The following SOCS5 variants were observed in gnomAD, a reference collection of about 807,000 sequenced individuals.
SOCS5 encodes suppressor of cytokine signaling 5, also known as CIS-6.
In SOCS5, 32 loss-of-function variants were observed where a neutral mutation model predicts 42.8. That is an observed-to-expected ratio of 0.75 (90% confidence interval 0.56 to 1.01). SOCS5 has a LOEUF of 1.01. Among genes scored for constraint, SOCS5 ranks in the 50% least tolerant of loss-of-function variants. SOCS5 has a pLI of 0.00. For synonymous variants in SOCS5, 283 were observed against 229.6 expected (o/e 1.23, Z -2.10); for missense variants, 627 against 653.0 (o/e 0.96, Z 0.43).
chr2:46,712,832 C>G (rs555751226), intron 1 of SOCS5, among the ~76,000 whole-genome samples: 1 of 151,752 alleles, frequency 6.6e-6, no homozygotes, highest in African/African-American at 2.4e-5. Flanking sequence ...GTTTTGTTTC[C>G]TCTAGATTCA....
Position 46,720,859 on chromosome 2 carries a change from AGTCTTCCTTTTGGGT to A in SOCS5, c.-13+21414_-13+21428del, listed in dbSNP as rs547302405. ...CTGGAGGAGGCAAGGAGAGGAGCCA[AGTCTTCCTTTTGGGT>A]GTCAGCATCCTTTCTTTCACACGGT... On this transcript the variant is annotated intron_variant, in intron 1 of 1. Coordinates refer to ENST00000394861, the MANE Select transcript of SOCS5 (RefSeq NM_144949.3). Among the ~76,000 whole-genome samples, 452 of 152,266 alleles carry A rather than the reference AGTCTTCCTTTTGGGT, an allele frequency of 3.0e-3. 2 individuals are homozygous for A. Among genetic ancestry groups the A allele is most frequent in the African/African-American group, 0.011 (441 of 41,546 alleles).
chr2:46,715,412 A>G (rs1291683294), intron 1 of SOCS5, among the ~76,000 whole-genome samples: 1 of 151,880 alleles, frequency 6.6e-6, no homozygotes, highest in Non-Finnish European at 1.5e-5. Flanking sequence ...AATGTCTTTA[A>G]TATTTACCTT....
chr2:46,728,150 C>T (rs1159515199), intron 1 of SOCS5, among the ~76,000 whole-genome samples: 1 of 152,108 alleles, frequency 6.6e-6, no homozygotes, highest in Non-Finnish European at 1.5e-5. Context: ...CCCCCAAGTC[C>T]AGGTGGCAGG....
intron 1 of SOCS5, among the ~76,000 whole-genome samples, chr2:46,751,909 T>A (rs1196271098): frequency 6.6e-6 from 1 of 152,170 alleles, no homozygotes; most frequent in African/African-American, 2.4e-5. Context: ...ATCAGAAGAA[T>A]AATATTTTGT....
intron 1 of SOCS5, among the ~76,000 whole-genome samples, chr2:46,748,189 CTT>C (rs35861326): frequency 2.5e-4 from 34 of 138,744 alleles, no homozygotes; most frequent in Admixed American, 2.9e-4. Flanking sequence ...TTTTCTTTTT[CTT>C]TTTTTTTTTT....
intron 1 of SOCS5, among the ~76,000 whole-genome samples, chr2:46,742,905 C>T (rs1050923484): frequency 6.6e-6 from 1 of 152,066 alleles, no homozygotes; most frequent in African/African-American, 2.4e-5. Flanking sequence ...ACCTTGTGAC[C>T]TGCCCACCTT....
intron 1 of SOCS5, among the ~76,000 whole-genome samples, chr2:46,746,781 C>G (rs114940203): frequency 0.061 from 9,238 of 151,992 alleles, 306 homozygotes; most frequent in Middle Eastern, 0.13. Flanking sequence ...GTGTGTTGAT[C>G]TTGTATCCTG....
At chr2:46,749,773 T>C (rs1448290189) in intron 1 of SOCS5, among the ~76,000 whole-genome samples, 1 of 152,138 alleles carries the variant, frequency 6.6e-6, no homozygotes, top group Non-Finnish European at 1.5e-5. Context: ...CTTAGGAACA[T>C]TGAAATGTCC....
chr2:46,722,199 A>G (rs996260159), intron 1 of SOCS5, among the ~76,000 whole-genome samples: 1 of 152,038 alleles, frequency 6.6e-6, no homozygotes, highest in African/African-American at 2.4e-5. Flanking sequence ...CTCAGTCTAA[A>G]GTTTATACCC....
intron 1 of SOCS5, among the ~76,000 whole-genome samples, chr2:46,749,432 C>G (rs1233697609): frequency 6.6e-6 from 1 of 152,126 alleles, no homozygotes; most frequent in Non-Finnish European, 1.5e-5. Context: ...GATTTTAGGT[C>G]CTGCTAAATC....
intron 1 of SOCS5, among the ~76,000 whole-genome samples, chr2:46,701,661 A>G (rs1672346360): frequency 6.6e-6 from 1 of 151,400 alleles, no homozygotes; most frequent in African/African-American, 2.4e-5. Flanking sequence ...AAATTTTGTA[A>G]AACTGGGTGA....
At position 46,758,642 on chromosome 2, in the gene SOCS5, T is replaced by C; in HGVS notation, c.112T>C (p.Leu38=). 6.2e-7 allele frequency: 1 copy of C among 1,614,024 alleles called. No individual in the cohort carries two copies. The highest frequency in any genetic ancestry group is 8.5e-7 in the Non-Finnish European group (1 of 1,179,924). Residue 38 remains leucine, a synonymous_variant, in exon 2 of 2, where the codon TTG becomes CTG. Transcript: ENST00000394861. The part of the protein sequence containing the change: ...ENVDMNSNRC[L]SVKEKNISIG... ...TGTGGACATGAACTCCAACAGATGT[T>C]TGTCTGTCAAAGAGAAAAACATCAG... is the stretch of plus-strand genomic sequence containing the variant.
intron 1 of SOCS5, among the ~76,000 whole-genome samples, chr2:46,754,901 T>A (rs1294672321): frequency 6.6e-6 from 1 of 152,194 alleles, no homozygotes; most frequent in Admixed American, 6.5e-5. Context: ...TGGGTCAGTT[T>A]TACTGTCAAA....
chr2:46,752,290 G>A (rs762638545), intron 1 of SOCS5, among the ~76,000 whole-genome samples: 11 of 151,874 alleles, frequency 7.2e-5, no homozygotes, highest in Non-Finnish European at 1.2e-4. Flanking sequence ...TCTAGGTTGC[G>A]TGTTCCTTAT....
At chr2:46,711,691 C>T (rs1003429544) in intron 1 of SOCS5, among the ~76,000 whole-genome samples, 1 of 152,126 alleles carries the variant, frequency 6.6e-6, no homozygotes, top group Non-Finnish European at 1.5e-5. Context: ...TCTTTGCCAC[C>T]CCCACAGTTG....
Position 46,726,811 on chromosome 2 carries a change from C to A in SOCS5, c.-13+27362C>A, listed in dbSNP as rs185684664. On this transcript the variant is annotated intron_variant, in intron 1 of 1. Transcript: ENST00000394861. ...CGCTCTTGTTGCCCAGGCTGGAGTGCAATGGCGCGATCTTGGCTCACTGTA... is the reference window on the plus strand; with the variant it reads ...CGCTCTTGTTGCCCAGGCTGGAGTGAAATGGCGCGATCTTGGCTCACTGTA... Among the ~76,000 whole-genome samples the A allele has an allele frequency of 5.3e-5, 8 of 151,370 alleles. No individual in the cohort carries two copies. In the East Asian group the frequency reaches 1.6e-3, roughly 29 times the overall value.
chr2:46,729,308 A>T (rs536890715), intron 1 of SOCS5, among the ~76,000 whole-genome samples: 1 of 152,218 alleles, frequency 6.6e-6, no homozygotes, highest in African/African-American at 2.4e-5. Flanking sequence ...ATTTAAATGT[A>T]TGCATATAAT....
chr2:46,702,013 G>T (rs1672356388), intron 1 of SOCS5, among the ~76,000 whole-genome samples: 1 of 151,680 alleles, frequency 6.6e-6, no homozygotes, highest in Non-Finnish European at 1.5e-5. Context: ...AGAAAGACAG[G>T]ATTTGTATCC....
rs138044268 is a variant in SOCS5 at position 46,708,780 on chromosome 2, A to G, written c.-13+9331A>G. ...AGTACAACACAGGATTCTTAGGCAA[A>G]TGCACTTCCTTATCCCTCAACTAGA... is the stretch of plus-strand genomic sequence containing the variant. On this transcript the variant is annotated intron_variant, in intron 1 of 1. Coordinates refer to ENST00000394861, the MANE Select transcript of SOCS5 (RefSeq NM_144949.3). Among the ~76,000 whole-genome samples, 465 of 152,144 alleles carry G rather than the reference A, an allele frequency of 3.1e-3. 5 individuals are homozygous for G. The highest frequency in any genetic ancestry group is 0.011 in the African/African-American group (454 of 41,486).
Sources: allele counts gnomAD v4.1 joint callset (sites outside exome capture counted in the v4.1 genomes callset), GRCh38; gene constraint gnomAD v4.1.1; transcripts MANE v1.5; gene names NCBI Gene and HGNC (gene_info 2026-07-23, HGNC 2026-07-21).